Variants in MVB12B observed in about 807,000 individuals in gnomAD.
MVB12B encodes ESCRT-I complex subunit MVB12B.
A neutral mutation model predicts 41.6 loss-of-function variants in MVB12B; 16 were observed. That is an observed-to-expected ratio of 0.38 (90% confidence interval 0.26 to 0.58). The LOEUF (loss-of-function observed/expected upper bound fraction) is 0.58. Among genes scored for constraint, MVB12B ranks in the 20% least tolerant of loss-of-function variants. The pLI, the probability that MVB12B is intolerant of heterozygous loss-of-function variation, is 0.62. For synonymous variants in MVB12B, 133 were observed against 139.7 expected (o/e 0.95, Z 0.34); for missense variants, 274 against 380.2 (o/e 0.72, Z 2.32).
chr9:126,356,606 C>T (rs1358163480), intron 2 of MVB12B, among the ~76,000 whole-genome samples: 1 of 152,020 alleles, frequency 6.6e-6, no homozygotes, highest in Non-Finnish European at 1.5e-5. Flanking sequence ...TACAATGCAT[C>T]CCTGATTTAG....
chr9:126,461,385 A>C (rs1833086209), intron 7 of MVB12B, among the ~76,000 whole-genome samples: 1 of 152,192 alleles, frequency 6.6e-6, no homozygotes, highest in Admixed American at 6.5e-5. Context: ...AAAAAAAAAG[A>C]GCTAAACAGA....
intron 7 of MVB12B, among the ~76,000 whole-genome samples, chr9:126,437,215 A>AT (rs920341924): frequency 1.3e-5 from 2 of 152,076 alleles, no homozygotes; most frequent in Non-Finnish European, 2.9e-5. Flanking sequence ...CCATAGTTTA[A>AT]TTTTTTTTAA....
intron 2 of MVB12B, among the ~76,000 whole-genome samples, chr9:126,358,978 A>G (rs1829956896): frequency 6.6e-6 from 1 of 152,196 alleles, no homozygotes; most frequent in Non-Finnish European, 1.5e-5. Context: ...GGGTTTTTAA[A>G]TCATACATGG....
At chr9:126,355,944 T>C (rs1829868536) in intron 2 of MVB12B, among the ~76,000 whole-genome samples, 1 of 152,158 alleles carries the variant, frequency 6.6e-6, no homozygotes, top group Non-Finnish European at 1.5e-5. Context: ...TGCTCCTCAT[T>C]CTCCCTTCGC....
rs1833457590 is a variant in MVB12B, at chr9:126,478,290, A to G, written c.758-3079A>G. Among the ~76,000 whole-genome samples the G allele has an allele frequency of 6.6e-6, 1 of 152,132 alleles. No homozygotes were observed. The highest frequency in any genetic ancestry group is 2.4e-5 in the African/African-American group (1 of 41,398). On this transcript the variant is annotated intron_variant, in intron 7 of 9. Coordinates refer to ENST00000361171, the MANE Select transcript of MVB12B (RefSeq NM_033446.3). The surrounding 1 kb of genome is among the most constrained non-coding windows in gnomAD (Gnocchi z 4.2). ...GGGGGTAGCAGTGAGCAGGGTCCCC[A>G]GGTCCTGAGAGAGTTAGGCACTTGC...
intron 6 of MVB12B, among the ~76,000 whole-genome samples, chr9:126,419,201 GC>G (rs1211744581): frequency 1.3e-5 from 2 of 152,302 alleles, no homozygotes; most frequent in African/African-American, 4.8e-5. Context: ...TAGGTTGCGT[GC>G]ACCTTTTTAG....
intron 1 of MVB12B, among the ~76,000 whole-genome samples, chr9:126,334,001 G>A (rs1281833352): frequency 6.6e-6 from 1 of 152,190 alleles, no homozygotes; most frequent in Non-Finnish European, 1.5e-5. Flanking sequence ...TCTTAGACCA[G>A]CTCAGGCCTA....
chr9:126,449,409 T>C (rs1193551908), intron 7 of MVB12B, among the ~76,000 whole-genome samples: 1 of 151,982 alleles, frequency 6.6e-6, no homozygotes, highest in Non-Finnish European at 1.5e-5. Context: ...GCAGGTTTGC[T>C]GTCTGACAGA....
intron 2 of MVB12B, among the ~76,000 whole-genome samples, chr9:126,354,909 A>G (rs1387884421): frequency 6.6e-6 from 1 of 152,262 alleles, no homozygotes; most frequent in Non-Finnish European, 1.5e-5. Context: ...ATCGATTTTC[A>G]GCTAATATAC....
chr9:126,457,686 A>G (rs929212896), intron 7 of MVB12B, among the ~76,000 whole-genome samples: 1 of 152,054 alleles, frequency 6.6e-6, no homozygotes, highest in Non-Finnish European at 1.5e-5. Context: ...GCATTTTGTC[A>G]CACCTCAGAC....
At chr9:126,453,334 C>T (rs1832918188) in intron 7 of MVB12B, among the ~76,000 whole-genome samples, 1 of 152,140 alleles carries the variant, frequency 6.6e-6, no homozygotes, top group Admixed American at 6.5e-5. Flanking sequence ...AAAGGTCCAG[C>T]TGCAAGCAGG....
intron 2 of MVB12B, among the ~76,000 whole-genome samples, chr9:126,380,340 A>G (rs1254391840): frequency 1.3e-5 from 2 of 152,166 alleles, no homozygotes; most frequent in African/African-American, 4.8e-5. Flanking sequence ...GCCCCAGTCT[A>G]GGTCACAGGG....
intron 1 of MVB12B, among the ~76,000 whole-genome samples, chr9:126,332,999 G>A (rs1256361114): frequency 1.3e-5 from 2 of 152,250 alleles, no homozygotes; most frequent in Non-Finnish European, 2.9e-5. Flanking sequence ...CTACGTGCTT[G>A]CATGATGTCA....
intron 7 of MVB12B, among the ~76,000 whole-genome samples, chr9:126,434,791 T>G (rs1832425895): frequency 6.6e-6 from 1 of 152,186 alleles, no homozygotes; most frequent in Non-Finnish European, 1.5e-5. Flanking sequence ...ATGCTTCTTG[T>G]AAAACTCTGG....
intron 9 of MVB12B, among the ~76,000 whole-genome samples, chr9:126,498,539 C>T (rs1009998855): frequency 1.3e-5 from 2 of 152,252 alleles, no homozygotes; most frequent in Non-Finnish European, 2.9e-5. Flanking sequence ...GTCTGTCGGT[C>T]TGGCCCCCAT....
intron 8 of MVB12B, among the ~76,000 whole-genome samples, chr9:126,481,671 T>C (rs1438385475): frequency 6.6e-6 from 1 of 152,070 alleles, no homozygotes; most frequent in African/African-American, 2.4e-5. Context: ...CCCCATGTAG[T>C]AGGTGTTTGA....
At chr9:126,398,121 G>A (rs1276656563) in intron 6 of MVB12B, among the ~76,000 whole-genome samples, 3 of 152,024 alleles carry the variant, frequency 2.0e-5, no homozygotes, top group Non-Finnish European at 4.4e-5. Context: ...AGGTGTGTTT[G>A]ACAGGTCTCA....
chr9:126,421,839 C>G lies in MVB12B; in HGVS notation c.663-15C>G. 1.9e-6 allele frequency: 3 copies of G among 1,600,894 alleles called. No homozygotes were observed. The highest frequency in any genetic ancestry group is 2.6e-6 in the Non-Finnish European group (3 of 1,167,902). On this transcript the variant is annotated splice_polypyrimidine_tract_variant and intron_variant, in intron 6 of 9. Coordinates refer to ENST00000361171, the MANE Select transcript of MVB12B (RefSeq NM_033446.3). ...CTCCTTGTAATCTCCTTTCTCTCGT[C>G]CTTCTCTTCCTCAGGCACATCTCCC...
intron 2 of MVB12B, among the ~76,000 whole-genome samples, chr9:126,347,455 A>C (rs545793835): frequency 2.6e-5 from 4 of 152,368 alleles, no homozygotes; most frequent in South Asian, 2.1e-4. Context: ...TGTATAATTT[A>C]TATATGCCCA....
Sources: gnomAD v4.1 joint callset for allele counts (sites outside exome capture counted in the v4.1 genomes callset) on GRCh38, gnomAD v4.1.1 for gene constraint, Gnocchi (gnomAD v3.1) non-coding constraint, MANE v1.5 for transcripts, NCBI Gene and HGNC (gene_info 2026-07-23, HGNC 2026-07-21) for gene names.